PTPRN2: variants seen among roughly 807,000 people sequenced by gnomAD.
The protein encoded by PTPRN2 is receptor-type tyrosine-protein phosphatase N2.
PTPRN2 carries 74 observed loss-of-function variants against 118.8 expected under a neutral mutation model. The observed-to-expected ratio is 0.62, with a 90% CI of 0.52 to 0.76. The LOEUF is 0.76. Among genes scored for constraint, PTPRN2 ranks in the 30% least tolerant of loss-of-function variants. The probability of loss-of-function intolerance (pLI) is 0.00; values close to 1 mark genes in which losing one functional copy is unlikely to be tolerated. For synonymous variants in PTPRN2, 641 were observed against 608.0 expected (o/e 1.05, Z -0.80); for missense variants, 1,481 against 1,394.4 (o/e 1.06, Z -0.99).
intron 9 of PTPRN2, among the ~76,000 whole-genome samples, chr7:158,132,574 C>G: frequency 7.3e-6 from 1 of 137,584 alleles, no homozygotes; most frequent in South Asian, 2.6e-4. Context: ...ATCCAACACT[C>G]ATATAGACAC....
Position 158,543,486 on chromosome 7 carries a change from C to G in PTPRN2, c.112+44072G>C, listed in dbSNP as rs557183615. Among the ~76,000 whole-genome samples the G allele has an allele frequency of 2.0e-5, 3 of 152,336 alleles. No homozygotes were observed. The South Asian group carries it at 6.2e-4, about 32-fold the overall frequency. On this transcript the variant is annotated intron_variant, in intron 1 of 22. Transcript: ENST00000389418. ...CACTTTGTTTTCCTTCTTGTGGTAACTAAAAACACTCTGGCATGTAATTCA... is the reference window on the plus strand; with the variant it reads ...CACTTTGTTTTCCTTCTTGTGGTAAGTAAAAACACTCTGGCATGTAATTCA...
chr7:158,332,922 TAAG>T (rs1374107856), intron 2 of PTPRN2, among the ~76,000 whole-genome samples: 2 of 147,416 alleles, frequency 1.4e-5, no homozygotes, highest in South Asian at 2.1e-4. Context: ...ACTCTCACCA[TAAG>T]AAGTGACACC....
At chr7:157,955,064 C>T (rs1247541044) in intron 11 of PTPRN2, among the ~76,000 whole-genome samples, 2 of 152,002 alleles carry the variant, frequency 1.3e-5, no homozygotes, top group Admixed American at 1.3e-4. Flanking sequence ...TGCCTCTCAC[C>T]GTCCCCAAGG....
At chr7:157,724,820 C>T (rs141954197) in intron 12 of PTPRN2, among the ~76,000 whole-genome samples, 19 of 152,270 alleles carry the variant, frequency 1.2e-4, no homozygotes, top group South Asian at 2.1e-4. Context: ...CATCCTGAGG[C>T]GGGGACCATC....
intron 11 of PTPRN2, among the ~76,000 whole-genome samples, chr7:158,071,641 T>C (rs1318038305): frequency 7.5e-6 from 1 of 133,344 alleles, no homozygotes. Context: ...GTGGTGGAGA[T>C]GCTCGTGGTG....
At chr7:158,447,633 G>A (rs1817815446) in intron 2 of PTPRN2, among the ~76,000 whole-genome samples, 2 of 152,364 alleles carry the variant, frequency 1.3e-5, no homozygotes, top group Non-Finnish European at 2.9e-5. Flanking sequence ...ACCTGCACGG[G>A]TACCCGGCCT....
chr7:157,621,147 C>A (rs13307285), intron 15 of PTPRN2, among the ~76,000 whole-genome samples: 1 of 68,422 alleles, frequency 1.5e-5, no homozygotes, highest in Non-Finnish European at 3.1e-5. Flanking sequence ...AGTCCTCCCG[C>A]CCCCGGTGCT....
rs1807010956 is a variant in PTPRN2 at position 158,022,995 on chromosome 7, G to A, written c.1723+58303C>T. Among the ~76,000 whole-genome samples, 1 of 152,186 alleles carries A rather than the reference G, an allele frequency of 6.6e-6. No individual in the cohort carries two copies. Among genetic ancestry groups the A allele is most frequent in the Admixed American group, 6.5e-5 (1 of 15,278 alleles). On this transcript the variant is annotated intron_variant, in intron 11 of 22. Transcript: ENST00000389418. The surrounding 1 kb of genome is among the most constrained non-coding windows in gnomAD (Gnocchi z 4.6). ...TGTGCACTCCTGTTTAGTCCTCAAT[G>A]GGAAATGGGAAAGGGCTTTGTTTTC... is the stretch of plus-strand genomic sequence containing the variant.
intron 2 of PTPRN2, among the ~76,000 whole-genome samples, chr7:158,416,371 A>C (rs1028000649): frequency 6.6e-6 from 1 of 152,248 alleles, no homozygotes; most frequent in Non-Finnish European, 1.5e-5. Flanking sequence ...CCAGATTTCA[A>C]TTACATGGCA....
chr7:157,868,369 A>G lies in PTPRN2; in HGVS notation c.1788+30304T>C, dbSNP rs76641877. Among the ~76,000 whole-genome samples the G allele has an allele frequency of 7.3e-3, 1,113 of 152,236 alleles. 51 individuals carry two copies. The East Asian group carries it at 0.13, about 17-fold the overall frequency. On this transcript the variant is annotated intron_variant, in intron 12 of 22. Transcript: ENST00000389418. The surrounding 1 kb of genome is among the most constrained non-coding windows in gnomAD (Gnocchi z 5.2). ...ATCATCTCCACGATGAACGTAGGAC[A>G]CCAGGACATTGGATCTCTGCGGGGC...
At chr7:158,511,291 C>T (rs1823164617) in intron 1 of PTPRN2, among the ~76,000 whole-genome samples, 1 of 152,156 alleles carries the variant, frequency 6.6e-6, no homozygotes, top group South Asian at 2.1e-4. Flanking sequence ...AGTTTTACCC[C>T]CTATCCTGGG....
rs543567510 is a variant in PTPRN2 at position 157,978,980 on chromosome 7, C to G, written c.1724-80243G>C. On this transcript the variant is annotated intron_variant, in intron 11 of 22. Coordinates refer to ENST00000389418, the MANE Select transcript of PTPRN2 (RefSeq NM_002847.5). ...GCGGAAGGCCCAGAGGGGGGTGGCT[C>G]TCTGGAGTTGACTCTGCAGAGCACT... Among the ~76,000 whole-genome samples the G allele has an allele frequency of 3.7e-4, 56 of 152,204 alleles. 1 individual carries two copies. The highest frequency in any genetic ancestry group is 2.6e-3 in the Admixed American group (40 of 15,298).
chr7:158,067,414 C>T (rs979234382), intron 11 of PTPRN2, among the ~76,000 whole-genome samples: 1 of 152,152 alleles, frequency 6.6e-6, no homozygotes, highest in Non-Finnish European at 1.5e-5. Flanking sequence ...GAGTGGTACT[C>T]GGCTCCAGTG....
rs1824686887 is a variant in PTPRN2 at position 158,525,299 on chromosome 7, C to T, written c.113-35514G>A. On this transcript the variant is annotated intron_variant, in intron 1 of 22. Coordinates refer to ENST00000389418, the MANE Select transcript of PTPRN2 (RefSeq NM_002847.5). This position sits in a 1 kb window ranked among gnomAD's most constrained non-coding sequence, Gnocchi z 4.1. Reference sequence around the variant, plus strand: ...GGCATCTGCCAAGGAGAACACACGGCCCCCTAATGTGCAACAAAACCGTGA... The same window carrying T: ...GGCATCTGCCAAGGAGAACACACGGTCCCCTAATGTGCAACAAAACCGTGA... Among the ~76,000 whole-genome samples the T allele has an allele frequency of 6.6e-6, 1 of 152,182 alleles. No individual in the cohort carries two copies. Among genetic ancestry groups the T allele is most frequent in the South Asian group, 2.1e-4 (1 of 4,834 alleles).
intron 17 of PTPRN2, among the ~76,000 whole-genome samples, chr7:157,580,303 G>A (rs1158301428): frequency 6.6e-6 from 1 of 152,130 alleles, no homozygotes; most frequent in East Asian, 1.9e-4. Flanking sequence ...TAATCTTAAT[G>A]CAGTTCATTG....
chr7:158,192,611 C>G, intron 4 of PTPRN2, 116 bp from the exon 5 acceptor site: 1 of 1,220,076 alleles, frequency 8.2e-7, no homozygotes, highest in Non-Finnish European at 1.1e-6. Flanking sequence ...TCTCGGTGGC[C>G]GGCCTGGCCT....
chr7:158,450,162 A>G (rs1444678271), intron 2 of PTPRN2, among the ~76,000 whole-genome samples: 2 of 152,194 alleles, frequency 1.3e-5, no homozygotes, highest in Non-Finnish European at 2.9e-5. Context: ...TCAAGACCCC[A>G]TCTAACCCAA....
At chr7:157,854,233 C>T (rs184993348) in intron 12 of PTPRN2, among the ~76,000 whole-genome samples, 272 of 152,358 alleles carry the variant, frequency 1.8e-3, no homozygotes, top group African/African-American at 5.9e-3. Flanking sequence ...CTGCTGATGG[C>T]GAGACTGTCA....
intron 3 of PTPRN2, among the ~76,000 whole-genome samples, chr7:158,254,869 G>T (rs1206977600): frequency 6.6e-6 from 1 of 152,248 alleles, no homozygotes; most frequent in Non-Finnish European, 1.5e-5. Flanking sequence ...TTACTTCTTA[G>T]ACATGTCTAC....
Sources: gnomAD v4.1 joint callset for allele counts (sites outside exome capture counted in the v4.1 genomes callset) on GRCh38, gnomAD v4.1.1 for gene constraint, Gnocchi (gnomAD v3.1) non-coding constraint, MANE v1.5 for transcripts, NCBI Gene and HGNC (gene_info 2026-07-23, HGNC 2026-07-21) for gene names.